The following C9orf43 variants were observed in gnomAD, a reference collection of about 807,000 sequenced individuals.
C9orf43 encodes chromosome 9 open reading frame 43, also known as uncharacterized protein C9orf43.
In C9orf43, 45 loss-of-function variants were observed where a neutral mutation model predicts 59.1. That is an observed-to-expected ratio of 0.76 (90% CI 0.60 to 0.98). The LOEUF (loss-of-function observed/expected upper bound fraction) is 0.98, where lower values mean the gene tolerates loss of function less well. Ranked by LOEUF, C9orf43 falls within the 50% of genes least tolerant of loss-of-function variation. The probability of loss-of-function intolerance (pLI) is 0.00; values close to 1 mark genes in which losing one functional copy is unlikely to be tolerated. For synonymous variants in C9orf43, 203 were observed against 196.8 expected (o/e 1.03, Z -0.26); for missense variants, 533 against 554.9 (o/e 0.96, Z 0.40).
intron 3 of C9orf43, among the ~76,000 whole-genome samples, chr9:113,414,340 T>A (rs1239579394): frequency 2.0e-5 from 3 of 151,978 alleles, no homozygotes; most frequent in Non-Finnish European, 1.5e-5. Context: ...AATGGTGCGA[T>A]CATAGCTCAC....
rs150569410 is a variant in C9orf43 at position 113,423,533 on chromosome 9, C to T, written c.656+35C>T. ...ATGTAGGTCTGTGGGAGAGCCAGAG[C>T]ACCTGCTTTTTACTGAAGCTGGGAT... On this transcript the variant is annotated intron_variant, in intron 7 of 13. Coordinates refer to ENST00000374165, the MANE Select transcript of C9orf43 (RefSeq NM_001278629.2). The T allele has an allele frequency of 1.9e-4, 308 of 1,592,072 alleles. 1 individual carries two copies. The African/African-American group carries it at 2.5e-3, about 13-fold the overall frequency.
At chr9:113,414,990 C>T (rs1025555966) in intron 3 of C9orf43, among the ~76,000 whole-genome samples, 1 of 152,132 alleles carries the variant, frequency 6.6e-6, no homozygotes, top group Non-Finnish European at 1.5e-5. Flanking sequence ...CACCACCATG[C>T]GTGGCTGATT....
chr9:113,425,752 T>C, intron 11 of C9orf43, 22 bp downstream of exon 11: 3 of 1,587,320 alleles, frequency 1.9e-6, no homozygotes, highest in Non-Finnish European at 2.6e-6. Flanking sequence ...ATATGCTTGG[T>C]TGGGGGTGAT....
rs764201836 is a variant in C9orf43 at position 113,421,154 on chromosome 9, A to G, written c.397A>G (p.Arg133Gly). 1.1e-5 allele frequency: 17 copies of G among 1,613,670 alleles called. No homozygotes were observed. The highest frequency in any genetic ancestry group is 4.0e-5 in the African/African-American group (3 of 74,868). Residue 133 changes from arginine to glycine, a missense_variant, in exon 5 of 14, where the codon AGA becomes GGA. Transcript: ENST00000374165. ...GCAACTTCCCTGCCCTGAAGATGTT[A>G]GAAATATGGTTGTATTGTGGATCCC... ...ETQLPCPEDV[R>G]NMVVLWIPEE...
intron 3 of C9orf43, among the ~76,000 whole-genome samples, chr9:113,418,796 A>G (rs1381935201): frequency 3.3e-5 from 5 of 152,164 alleles, no homozygotes; most frequent in Non-Finnish European, 7.3e-5. Flanking sequence ...TTGAACATCT[A>G]CATCAAAGTA....
intron 3 of C9orf43, among the ~76,000 whole-genome samples, chr9:113,416,323 A>G (rs531543611): frequency 2.0e-5 from 3 of 152,164 alleles, no homozygotes; most frequent in South Asian, 4.2e-4. Context: ...AAACCTCCCA[A>G]CTCTAGACTG....
chr9:113,425,771 T>C (rs371753726), intron 11 of C9orf43, 41 bp downstream of exon 11: 9 of 1,502,816 alleles, frequency 6.0e-6, no homozygotes, highest in Non-Finnish European at 7.4e-6. Context: ...ATAGGATCCC[T>C]GAGGGGTAGG....
chr9:113,425,364 C>A lies in C9orf43; in HGVS notation c.886C>A (p.Arg296=). The A allele has an allele frequency of 6.2e-7, 1 of 1,613,546 alleles. No individual in the cohort carries two copies. The highest frequency in any genetic ancestry group is 8.5e-7 in the Non-Finnish European group (1 of 1,179,836). The change falls in exon 10 of 14, where the codon CGG becomes AGG. Residue 296 remains arginine (R), a synonymous_variant. Coordinates refer to ENST00000374165, the MANE Select transcript of C9orf43 (RefSeq NM_001278629.2). The stretch of plus-strand genomic sequence containing the variant: ...ACCAGGTTACAGGAAACAGCAGCAG[C>A]GGCAGCAGCAGCAGCAGCAGCAACA... The part of the protein sequence containing the change: ...KTEGYRKQQQ[R]QQQQQQQQKK...
At chr9:113,412,698 GA>G (rs2119050942) in intron 1 of C9orf43, among the ~76,000 whole-genome samples, 1 of 152,306 alleles carries the variant, frequency 6.6e-6, no homozygotes, top group African/African-American at 2.4e-5. Flanking sequence ...TTTTTGTGGA[GA>G]GGGGGTAACT....
chr9:113,412,671 CTTATG>C (rs1801973639), intron 1 of C9orf43, among the ~76,000 whole-genome samples: 1 of 152,180 alleles, frequency 6.6e-6, no homozygotes, highest in Admixed American at 6.5e-5. Context: ...CTGCCTTCTG[CTTATG>C]TTATTTATTA....
At chr9:113,420,380 G>A (rs1003092140) in intron 4 of C9orf43, among the ~76,000 whole-genome samples, 9 of 152,168 alleles carry the variant, frequency 5.9e-5, no homozygotes, top group African/African-American at 9.7e-5. Flanking sequence ...ATGCCTGGCC[G>A]AGATTAAATT....
At position 113,410,845 on chromosome 9, in the gene C9orf43, G is replaced by T; in HGVS notation, c.-206G>T. ...TTGATTTAGCAACCCTAAGCGGTTT[G>T]GAATCTGCTTTGCTCTCACAGGACC... is the stretch of plus-strand genomic sequence containing the variant. On this transcript the variant is annotated 5_prime_UTR_variant, in exon 1 of 14. Coordinates refer to ENST00000374165, the MANE Select transcript of C9orf43 (RefSeq NM_001278629.2). 1 of 704,786 alleles carries T rather than the reference G, an allele frequency of 1.4e-6. No homozygotes were observed. Among genetic ancestry groups the T allele is most frequent in the Non-Finnish European group, 1.7e-6 (1 of 571,794 alleles). The allele number at this position is 704,786 out of a possible 1,614,324, so 43.7% of individuals were successfully genotyped here. A position where few individuals can be genotyped will look rare whatever the true frequency, so the allele number is the denominator to read the frequency against.
intron 4 of C9orf43, among the ~76,000 whole-genome samples, chr9:113,420,384 T>C (rs1828518762): frequency 6.6e-6 from 1 of 152,234 alleles, no homozygotes; most frequent in Non-Finnish European, 1.5e-5. Context: ...CTGGCCGAGA[T>C]TAAATTATTT....
chr9:113,428,860 A>G, intron 12 of C9orf43, 40 bp from the exon 13 acceptor site: 2 of 1,545,830 alleles, frequency 1.3e-6, no homozygotes, highest in Non-Finnish European at 8.9e-7. Context: ...AGTTTCCTAA[A>G]GTCTTGATTC....
intron 13 of C9orf43, 54 bp downstream of exon 13, chr9:113,429,017 G>C (rs1828892299): frequency 4.5e-6 from 7 of 1,553,222 alleles, no homozygotes; most frequent in Non-Finnish European, 6.2e-6. Context: ...AGGGAGAGTT[G>C]AACCTGTGTT....
intron 11 of C9orf43, among the ~76,000 whole-genome samples, chr9:113,426,901 A>T (rs1457761108): frequency 2.0e-5 from 3 of 152,102 alleles, no homozygotes; most frequent in Non-Finnish European, 4.4e-5. Context: ...TTTTGCATTG[A>T]ATCTTGAGTA....
chr9:113,411,771 C>G (rs1184853072), intron 1 of C9orf43, among the ~76,000 whole-genome samples: 2 of 152,164 alleles, frequency 1.3e-5, no homozygotes, highest in Non-Finnish European at 2.9e-5. Context: ...CTCGACCTCC[C>G]TGGCTCAGGT....
At chr9:113,425,133 C>G in intron 9 of C9orf43, 57 bp downstream of exon 9, 1 of 1,551,322 alleles carries the variant, frequency 6.4e-7, no homozygotes, top group South Asian at 1.1e-5. Context: ...GCCCACATTT[C>G]TCATACTTTA....
At chr9:113,423,290 T>C (rs752224351) in intron 6 of C9orf43, 36 bp from the exon 7 acceptor site, 5 of 1,604,044 alleles carry the variant, frequency 3.1e-6, no homozygotes, top group South Asian at 1.1e-5. Flanking sequence ...CTAAAAAGAA[T>C]GCTTTGGAGA....
Sources: allele counts gnomAD v4.1 joint callset (sites outside exome capture counted in the v4.1 genomes callset), GRCh38; gene constraint gnomAD v4.1.1; transcripts MANE v1.5; gene names NCBI Gene and HGNC (gene_info 2026-07-23, HGNC 2026-07-21).